Variants in SMG5 observed in about 807,000 individuals in gnomAD.
SMG5 encodes the protein SMG5 nonsense mediated mRNA decay factor, also known as nonsense-mediated mRNA decay factor SMG5.
Under a neutral mutation model 122.9 loss-of-function variants are expected in SMG5, and 53 were observed. The observed-to-expected ratio is 0.43, with a 90% confidence interval of 0.35 to 0.54. The LOEUF (loss-of-function observed/expected upper bound fraction) is 0.54. SMG5 is among the 20% of genes least tolerant of loss of function. The pLI is 0.01. For synonymous variants in SMG5, 477 were observed against 490.2 expected, an observed-to-expected ratio of 0.97 and a Z score of 0.35; for missense variants, 1,153 against 1,285.6, an observed-to-expected ratio of 0.90 and a Z score of 1.58.
intron 16 of SMG5, 45 bp downstream of exon 16, chr1:156,258,960 G>C: frequency 1.2e-6 from 2 of 1,609,072 alleles, no homozygotes; most frequent in Non-Finnish European, 1.7e-6. Context: ...TTCTCAGTGA[G>C]CCCAATGGGA....
rs1305148529 is a variant in SMG5, at chr1:156,253,008, A to G, written c.2573T>C (p.Val858Ala). The G allele has an allele frequency of 6.2e-6, 10 of 1,613,374 alleles. No homozygotes were observed. The highest frequency in any genetic ancestry group is 8.5e-6 in the Non-Finnish European group (10 of 1,179,820). ...KAQSAMSPYLVPDTQALCHHL... is the reference protein window; with the variant it reads ...KAQSAMSPYLAPDTQALCHHL... ...GTGGCAGAGGGCCTGGGTGTCAGGG[A>G]CGAGGTAGGGAGACATGGCTGACTG... Residue 858 changes from valine (V) to alanine (A), a missense_variant, in exon 18 of 22, where the codon GTC (valine) becomes GCC (alanine). Physicochemically the swap from Val to Ala is moderately conservative, Grantham distance 64 (BLOSUM62 0). This residue lies in a region of SMG5 where 140 missense variants were observed against 227.8 expected (regional missense o/e 0.61). Transcript: ENST00000361813.
At chr1:156,285,528 C>T (rs962814062), upstream of SMG5, 1 of 1,614,204 alleles carries the variant, frequency 6.2e-7, no homozygotes, top group African/African-American at 1.3e-5. Flanking sequence ...GAACCAGAGC[C>T]CCCTGAGTCA....
At chr1:156,270,943 G>C (rs1248074757) in intron 7 of SMG5, among the ~76,000 whole-genome samples, 6 of 151,626 alleles carry the variant, frequency 4.0e-5, no homozygotes, top group African/African-American at 1.5e-4. Flanking sequence ...GGAGGCGGAG[G>C]TTGCAGTGAG....
Position 156,250,948 on chromosome 1 carries a change from C to A in SMG5, c.2877G>T (p.Gln959His). 6.2e-7 allele frequency: 1 copy of A among 1,614,022 alleles called. No individual in the cohort carries two copies. The highest frequency in any genetic ancestry group is 1.1e-5 in the South Asian group (1 of 91,078). Residue 959 changes from glutamine to histidine, a missense_variant, in exon 21 of 22, where the codon CAG (glutamine) becomes CAT (histidine). Transcript: ENST00000361813. ...LDSCKQLTLA[Q>H]GAGEEDPSGM... ...CACTCGGATCCTCCTCACCTGCCCC[C>A]TGGGCCAGAGTCAGCTGTTTGCAGC...
intron 1 of SMG5, among the ~76,000 whole-genome samples, chr1:156,281,862 G>C (rs1662965455): frequency 6.6e-6 from 1 of 152,218 alleles, no homozygotes; most frequent in Non-Finnish European, 1.5e-5. Context: ...CTGAAGGGCT[G>C]AAGATGTGAC....
intron 4 of SMG5, among the ~76,000 whole-genome samples, chr1:156,276,062 C>T (rs1201817972): frequency 1.3e-5 from 2 of 151,746 alleles, no homozygotes; most frequent in African/African-American, 2.4e-5. Flanking sequence ...GCAATCCTCC[C>T]GCCTTGGCCT....
intron 4 of SMG5, among the ~76,000 whole-genome samples, chr1:156,275,865 G>C (rs1006864071): frequency 6.0e-5 from 9 of 150,864 alleles, no homozygotes; most frequent in Non-Finnish European, 1.0e-4. Flanking sequence ...CCCGGCTGGA[G>C]TTCCAGCGAT....
At position 156,252,443 on chromosome 1, in the gene SMG5, G is replaced by A. The variant is rs772276461; in HGVS notation, c.2724C>T (p.Tyr908=). 1.2e-6 allele frequency: 2 copies of A among 1,613,920 alleles called. No homozygotes were observed. Among genetic ancestry groups the A allele is most frequent in the East Asian group, 4.5e-5 (2 of 44,864 alleles). ...EHPGARDGIR[Y]LEAEFKKGNR... ...TTCCTTTTTTAAACTCTGCCTCCAG[G>A]TACCGAATCCCATCCCGGGCCCCTG... Residue 908 remains tyrosine (Y), a synonymous_variant, in exon 19 of 22, where the codon TAC becomes TAT. Transcript: ENST00000361813.
chr1:156,267,517 T>C lies in SMG5; in HGVS notation c.1070A>G (p.Gln357Arg). The change falls in exon 10 of 22, where the codon CAA (glutamine) becomes CGA (arginine). Residue 357 changes from glutamine to arginine, a missense_variant. Physicochemically the swap from Gln to Arg is conservative, Grantham distance 43 (BLOSUM62 1). This residue lies in a region of SMG5 where 631 missense variants were observed against 650.6 expected (regional missense o/e 0.97). Coordinates refer to ENST00000361813, the MANE Select transcript of SMG5 (RefSeq NM_015327.3). ...YAFLPDLLIF[Q>R]MVIICLMCVH... ...ACACATAAGGCAGATGATGACCATT[T>C]GAAAGATGAGAAGGTCCGGGAGGAA... 1 of 1,614,096 alleles carries C rather than the reference T, an allele frequency of 6.2e-7. No homozygotes were observed. The highest frequency in any genetic ancestry group is 8.5e-7 in the Non-Finnish European group (1 of 1,180,014).
rs763887039 is a variant in SMG5 at position 156,273,419 on chromosome 1, A to G, written c.576T>C (p.Asp192=). The change falls in exon 6 of 22, where the codon GAT becomes GAC. Residue 192 remains aspartate (D), a synonymous_variant. Coordinates refer to ENST00000361813, the MANE Select transcript of SMG5 (RefSeq NM_015327.3). ...SRYQNELAGV[D]TELLAERFYY... Reference sequence around the variant, plus strand: ...AAAATCTCTCGGCTAGCAGCTCGGTATCTACGCCAGCTAATTCATTCTGAT... The same window carrying G: ...AAAATCTCTCGGCTAGCAGCTCGGTGTCTACGCCAGCTAATTCATTCTGAT... 5 of 1,614,028 alleles carry G rather than the reference A, an allele frequency of 3.1e-6. No individual in the cohort carries two copies. Among genetic ancestry groups the G allele is most frequent in the African/African-American group, 2.7e-5 (2 of 74,930 alleles).
chr1:156,287,865 G>C, the SMG5 span, among the ~76,000 whole-genome samples: 1 of 151,780 alleles, frequency 6.6e-6, no homozygotes. Context: ...TGATCTGCCC[G>C]CCTCAGCCTC....
intron 11 of SMG5, 27 bp from the exon 12 acceptor site, chr1:156,266,407 G>A (rs1342242628): frequency 1.2e-6 from 2 of 1,604,150 alleles, no homozygotes; most frequent in Middle Eastern, 1.7e-4. Flanking sequence ...GTCAGGTGGA[G>A]CCCGAGGAAC....
At chr1:156,282,547 C>T in intron 1 of SMG5, 60 bp downstream of exon 1, 1 of 1,531,608 alleles carries the variant, frequency 6.5e-7, no homozygotes, top group Non-Finnish European at 8.8e-7. Context: ...CGGGAGGCCC[C>T]GCCCCTCGCC....
chr1:156,276,958 A>C, intron 4 of SMG5, 127 bp downstream of exon 4: 1 of 890,768 alleles, frequency 1.1e-6, no homozygotes, highest in East Asian at 2.5e-5. Context: ...TTCATAAACC[A>C]TTTGTATGTA....
intron 1 of SMG5, 45 bp downstream of exon 1, chr1:156,282,562 C>G: frequency 6.4e-7 from 1 of 1,570,078 alleles, no homozygotes; most frequent in South Asian, 1.2e-5. Flanking sequence ...CTCGCCGTCT[C>G]CCCACTTCCC....
chr1:156,270,598 A>T (rs1188554943), intron 7 of SMG5, among the ~76,000 whole-genome samples: 1 of 152,204 alleles, frequency 6.6e-6, no homozygotes, highest in Admixed American at 6.5e-5. Context: ...CACCTCCCAA[A>T]CTTGGATATA....
At chr1:156,285,846 C>G, upstream of SMG5, 3 of 1,613,686 alleles carry the variant, frequency 1.9e-6, no homozygotes, top group East Asian at 6.7e-5. Flanking sequence ...GTGGGAGCCG[C>G]ACTCATTCTC....
At chr1:156,259,963 G>A (rs1042819153) in intron 15 of SMG5, among the ~76,000 whole-genome samples, 3 of 152,164 alleles carry the variant, frequency 2.0e-5, no homozygotes, top group African/African-American at 7.2e-5. Flanking sequence ...TGTATGTCAG[G>A]ACTGGGTGGC....
intron 1 of SMG5, among the ~76,000 whole-genome samples, chr1:156,280,330 G>A (rs546584658): frequency 6.6e-6 from 1 of 152,326 alleles, no homozygotes; most frequent in South Asian, 2.1e-4. Context: ...GTGCTCCCGG[G>A]CCAGGAAAAG....
Sources: allele counts gnomAD v4.1 joint callset (sites outside exome capture counted in the v4.1 genomes callset), GRCh38; gene constraint gnomAD v4.1.1; regional missense constraint gnomAD v4.1.1; transcripts MANE v1.5; gene names NCBI Gene and HGNC (gene_info 2026-07-23, HGNC 2026-07-21).